GSE1: variants seen among roughly 807,000 people sequenced by gnomAD.
GSE1 encodes the protein genetic suppressor element 1.
In GSE1, 32 loss-of-function variants were observed where a neutral mutation model predicts 112.6. The observed-to-expected ratio is 0.28, with a 90% CI of 0.21 to 0.38. The LOEUF (loss-of-function observed/expected upper bound fraction) is 0.38, where lower values mean the gene tolerates loss of function less well. GSE1 is among the 10% of genes least tolerant of loss of function. The pLI, the probability that GSE1 is intolerant of heterozygous loss-of-function variation, is 1.00. For missense variants in GSE1, 2,348 were observed against 1,699.2 expected (o/e 1.38, Z -6.71); for synonymous variants, 1,115 against 735.6 (o/e 1.52, Z -8.35).
At chr16:85,431,259 C>G (rs1257942911) in intron 2 of GSE1, among the ~76,000 whole-genome samples, 1 of 152,222 alleles carries the variant, frequency 6.6e-6, no homozygotes, top group East Asian at 1.9e-4. Flanking sequence ...TGTGGAGGAG[C>G]TGCTGGCAGA....
intron 2 of GSE1, among the ~76,000 whole-genome samples, chr16:85,412,732 C>T (rs1275335222): frequency 6.6e-6 from 1 of 151,774 alleles, no homozygotes; most frequent in Non-Finnish European, 1.5e-5. Context: ...TCTCAGGCCC[C>T]CCGGATAATC....
rs941355287 is a variant in GSE1 at position 85,272,387 on chromosome 16, T to A, written c.2284-85076T>A. 1.3e-5 allele frequency among the ~76,000 whole-genome samples: 2 copies of A among 152,266 alleles called. 1 individual carries two copies. Among genetic ancestry groups the A allele is most frequent in the Non-Finnish European group, 2.9e-5 (2 of 68,046 alleles). On this transcript the variant is annotated intron_variant, in intron 1 of 2. Transcript: ENST00000637419. ...CAACTTTCTTCTGTTTCTGCCCTGA[T>A]TCGAGATCTGGTTTTGTTTCTACTT...
At chr16:85,601,839 C>G (rs991825596) in intron 1 of GSE1, among the ~76,000 whole-genome samples, 2 of 152,202 alleles carry the variant, frequency 1.3e-5, no homozygotes, top group South Asian at 2.1e-4. Flanking sequence ...GCAGAGCTGC[C>G]CTGGACACCA....
chr16:85,475,745 CTTTGGGGGAATGT>C (rs1427551148), intron 2 of GSE1, among the ~76,000 whole-genome samples: 6 of 150,128 alleles, frequency 4.0e-5, no homozygotes, highest in Admixed American at 4.0e-4. Context: ...GAGGCAGGAG[CTTTGGGGGAATGT>C]TTCTTCTAAT....
Position 85,313,918 on chromosome 16 carries a change from CTGTGTGTG to C in GSE1, c.2284-43522_2284-43515del, listed in dbSNP as rs10676246. Among the ~76,000 whole-genome samples the C allele has an allele frequency of 3.2e-3, 474 of 149,290 alleles. 3 individuals are homozygous for C. Among genetic ancestry groups the C allele is most frequent in the African/African-American group, 7.5e-3 (301 of 40,316 alleles). On this transcript the variant is annotated intron_variant, in intron 1 of 2. Coordinates refer to the GSE1 transcript ENST00000637419. Reference sequence around the variant, plus strand: ...TGTGCTACAGCACTAGTCTGAGCCTCTGTGTGTGTGTGTGTGTGTGTGTGTGTGTGACA... The same window carrying C: ...TGTGCTACAGCACTAGTCTGAGCCTCTGTGTGTGTGTGTGTGTGTGTGACA...
At chr16:85,514,887 G>A (rs963551421) in intron 2 of GSE1, among the ~76,000 whole-genome samples, 1 of 152,224 alleles carries the variant, frequency 6.6e-6, no homozygotes, top group African/African-American at 2.4e-5. Flanking sequence ...GGATGTGTGT[G>A]TGCATGCACA....
At chr16:85,506,970 G>T (rs540206170) in intron 2 of GSE1, among the ~76,000 whole-genome samples, 27 of 152,128 alleles carry the variant, frequency 1.8e-4, no homozygotes, top group Non-Finnish European at 1.5e-5. Flanking sequence ...ACGCCACCCC[G>T]CAAGCTTGGA....
intron 1 of GSE1, among the ~76,000 whole-genome samples, chr16:85,279,629 A>G (rs1476641933): frequency 6.6e-6 from 1 of 151,944 alleles, no homozygotes; most frequent in Non-Finnish European, 1.5e-5. Context: ...CAATCAATCA[A>G]TCAAACAGTG....
At chr16:85,469,930 T>C (rs1005761015) in intron 2 of GSE1, among the ~76,000 whole-genome samples, 6 of 152,066 alleles carry the variant, frequency 3.9e-5, no homozygotes, top group Admixed American at 1.3e-4. Context: ...AGGCACGGGG[T>C]ACCCCAGGAC....
intron 1 of GSE1, among the ~76,000 whole-genome samples, chr16:85,333,109 T>C (rs951265805): frequency 2.6e-5 from 4 of 151,956 alleles, no homozygotes; most frequent in Non-Finnish European, 5.9e-5. Flanking sequence ...CACCCAGGGC[T>C]GCAGAGCTGG....
At chr16:85,642,528 C>T (rs1302726110) in intron 2 of GSE1, among the ~76,000 whole-genome samples, 1 of 152,190 alleles carries the variant, frequency 6.6e-6, no homozygotes, top group East Asian at 1.9e-4. Flanking sequence ...CCCATCTGTT[C>T]AAGCTGCCCC....
At chr16:85,232,904 GA>G (rs1205770500) in intron 1 of GSE1, among the ~76,000 whole-genome samples, 3 of 152,266 alleles carry the variant, frequency 2.0e-5, no homozygotes, top group African/African-American at 7.2e-5. Context: ...GTGAATTAAT[GA>G]ATGGCTCCAG....
At chr16:85,421,319 T>C (rs74034719) in intron 2 of GSE1, among the ~76,000 whole-genome samples, 23,721 of 152,028 alleles carry the variant, frequency 0.16, 2,194 homozygotes, top group Non-Finnish European at 0.2. Flanking sequence ...TAGGGCATCC[T>C]GCGGGGGTCC....
chr16:85,600,992 C>T (rs760570211), intron 1 of GSE1, among the ~76,000 whole-genome samples: 17 of 148,150 alleles, frequency 1.1e-4, no homozygotes, highest in Non-Finnish European at 1.9e-4. Context: ...GAGGGAAGGT[C>T]GGCTTCCACC....
intron 1 of GSE1, among the ~76,000 whole-genome samples, chr16:85,180,596 G>A (rs551856597): frequency 1.3e-5 from 2 of 152,342 alleles, no homozygotes; most frequent in African/African-American, 2.4e-5. Flanking sequence ...TGTCTTATAA[G>A]TGGGCTTATT....
chr16:85,258,990 C>A (rs1907379290), intron 1 of GSE1, among the ~76,000 whole-genome samples: 1 of 152,190 alleles, frequency 6.6e-6, no homozygotes, highest in Non-Finnish European at 1.5e-5. Context: ...TGGGAGGCTT[C>A]TTCTGGGAGG....
intron 2 of GSE1, among the ~76,000 whole-genome samples, chr16:85,548,464 C>T (rs1176842542): frequency 6.6e-6 from 1 of 151,936 alleles, no homozygotes; most frequent in African/African-American, 2.4e-5. Context: ...GATCCACTTT[C>T]TTAGTTCCCA....
At chr16:85,645,184 C>T (rs1216544123) in intron 2 of GSE1, among the ~76,000 whole-genome samples, 1 of 151,896 alleles carries the variant, frequency 6.6e-6, no homozygotes, top group Non-Finnish European at 1.5e-5. Flanking sequence ...CAGTGGTTGG[C>T]TAGTCCATCT....
chr16:85,619,205 C>T (rs1483918392), intron 1 of GSE1, among the ~76,000 whole-genome samples: 1 of 152,220 alleles, frequency 6.6e-6, no homozygotes, highest in Admixed American at 6.5e-5. Flanking sequence ...GTGATTGGCA[C>T]TCTGGGCCCA....
Sources: gnomAD v4.1 joint callset for allele counts (sites outside exome capture counted in the v4.1 genomes callset) on GRCh38, gnomAD v4.1.1 for gene constraint, MANE v1.5 for transcripts, NCBI Gene and HGNC (gene_info 2026-07-23, HGNC 2026-07-21) for gene names.